CAPS2: variants seen among roughly 807,000 people sequenced by gnomAD.
CAPS2 encodes the protein calcyphosine 2.
In CAPS2, 98 loss-of-function variants were observed where a neutral mutation model predicts 86.5. The observed-to-expected ratio is 1.13, with a 90% confidence interval of 0.96 to 1.34. The LOEUF (loss-of-function observed/expected upper bound fraction) is 1.34. Among genes scored for constraint, CAPS2 ranks in the 40% most tolerant of loss-of-function variants. CAPS2 has a pLI of 0.00. For synonymous variants in CAPS2, 210 were observed against 225.1 expected, an observed-to-expected ratio of 0.93 and a Z score of 0.60; for missense variants, 729 against 686.8, an observed-to-expected ratio of 1.06 and a Z score of -0.69.
rs201207445 is a variant in CAPS2 at position 75,381,529 on chromosome 12, CTT to C, written c.-395+9307_-395+9308del. Among the ~76,000 whole-genome samples, 162 of 118,330 alleles carry C rather than the reference CTT, an allele frequency of 1.4e-3. 1 individual carries two copies. Among genetic ancestry groups the C allele is most frequent in the Non-Finnish European group, 1.7e-3 (97 of 57,910 alleles). 77.6% of individuals were successfully genotyped at this position (118,330 alleles called of 152,430 possible). ...TATTTCAACTACACTGTTATTTAGA[CTT>C]TTTTTTTTTTTTTTGGTATATTACC... is the stretch of plus-strand genomic sequence containing the variant. On this transcript the variant is annotated intron_variant, in intron 1 of 5. Transcript: ENST00000551829.
intron 1 of CAPS2, among the ~76,000 whole-genome samples, chr12:75,352,388 G>T (rs561887197): frequency 8.5e-5 from 13 of 152,206 alleles, no homozygotes; most frequent in African/African-American, 2.2e-4. Flanking sequence ...AACCAACAAA[G>T]ATCAAAAAAG....
intron 1 of CAPS2, among the ~76,000 whole-genome samples, chr12:75,340,103 C>CG (rs1296523797): frequency 1.3e-5 from 2 of 151,102 alleles, no homozygotes; most frequent in Non-Finnish European, 3.0e-5. Flanking sequence ...ATGGCTGAGT[C>CG]GTATTCCATT....
chr12:75,321,574 A>C, exon 5 of CAPS2: 1 of 1,533,642 alleles, frequency 6.5e-7, no homozygotes, highest in Non-Finnish European at 8.8e-7. Flanking sequence ...TTATGTTCTG[A>C]TCCTATAGGT....
At position 75,322,973 on chromosome 12, in the gene CAPS2, C is replaced by A; in HGVS notation, c.291+1G>T. 2 of 1,421,372 alleles carry A rather than the reference C, an allele frequency of 1.4e-6. No homozygotes were observed. Among genetic ancestry groups the A allele is most frequent in the Non-Finnish European group, 9.7e-7 (1 of 1,032,154 alleles). 88.0% of individuals were successfully genotyped at this position (1,421,372 alleles called of 1,614,324 possible). ...AAATTGATAAGCAAATAAATACTAA[C>A]CAATTTATTTAGATGATACTGAGTA... On this transcript the variant is annotated splice_donor_variant, in intron 4 of 16. Transcript: ENST00000393284. LOFTEE classifies it high-confidence loss of function.
At chr12:75,311,681 C>A (rs1208635256) in intron 7 of CAPS2, among the ~76,000 whole-genome samples, 9 of 111,552 alleles carry the variant, frequency 8.1e-5, no homozygotes, top group Admixed American at 1.4e-4. Context: ...TCACGTGTCA[C>A]GTGCAGGAAG....
At chr12:75,366,726 G>T in intron 1 of CAPS2, 1 of 593,468 alleles carries the variant, frequency 1.7e-6, no homozygotes, top group South Asian at 2.0e-5. Flanking sequence ...CTGATTTTGG[G>T]TGAGACTGCA....
chr12:75,296,528 G>A (rs1235019825), intron 11 of CAPS2, among the ~76,000 whole-genome samples: 1 of 152,108 alleles, frequency 6.6e-6, no homozygotes, highest in African/African-American at 2.4e-5. Context: ...TCCTGACCTC[G>A]TGATCTGCCC....
exon 14 of CAPS2, chr12:75,289,640 T>C: frequency 6.2e-7 from 1 of 1,612,738 alleles, no homozygotes; most frequent in African/African-American, 1.3e-5. Flanking sequence ...CACTTCTAAG[T>C]GAAACACTTT....
chr12:75,347,102 C>T (rs1199227422), intron 1 of CAPS2, among the ~76,000 whole-genome samples: 2 of 151,622 alleles, frequency 1.3e-5, no homozygotes, highest in African/African-American at 2.4e-5. Context: ...ACCATCCTTA[C>T]AGCAGGCATC....
At chr12:75,278,965 G>A in exon 17 of CAPS2, 1 of 1,611,060 alleles carries the variant, frequency 6.2e-7, no homozygotes, top group East Asian at 2.2e-5. Flanking sequence ...AACCTTCATA[G>A]TAATCTTCAA....
chr12:75,321,863 ATCTT>A (rs1478343711), intron 4 of CAPS2, among the ~76,000 whole-genome samples: 1 of 152,136 alleles, frequency 6.6e-6, no homozygotes, highest in African/African-American at 2.4e-5. Context: ...AAAATGACTT[ATCTT>A]TCTTCTTAGG....
chr12:75,354,536 C>T (rs533023167), intron 1 of CAPS2, among the ~76,000 whole-genome samples: 4 of 152,128 alleles, frequency 2.6e-5, no homozygotes, highest in South Asian at 2.1e-4. Flanking sequence ...GAATCAATAT[C>T]GTGAAAATGG....
chr12:75,374,155 G>C (rs1429091482), intron 1 of CAPS2, among the ~76,000 whole-genome samples: 1 of 152,152 alleles, frequency 6.6e-6, no homozygotes, highest in East Asian at 1.9e-4. Context: ...CATCTTATCT[G>C]CCACTGACGC....
At chr12:75,349,549 TAATTA>T (rs1190593804) in intron 1 of CAPS2, among the ~76,000 whole-genome samples, 3 of 152,182 alleles carry the variant, frequency 2.0e-5, no homozygotes, top group African/African-American at 4.8e-5. Flanking sequence ...ACAGATGTTA[TAATTA>T]AAAGAGAAAG....
At chr12:75,313,054 T>C (rs1212567071) in intron 6 of CAPS2, 139 bp from the exon 7 acceptor site, 3 of 456,664 alleles carry the variant, frequency 6.6e-6, no homozygotes, top group African/African-American at 6.0e-5. Flanking sequence ...CTATTATAGA[T>C]TATAGATTAC....
At chr12:75,288,243 G>A (rs1046051491) in intron 14 of CAPS2, among the ~76,000 whole-genome samples, 2 of 152,110 alleles carry the variant, frequency 1.3e-5, no homozygotes, top group African/African-American at 4.8e-5. Context: ...TCACTAGGTA[G>A]GCAAAAGATT....
At chr12:75,306,019 C>A in intron 7 of CAPS2, 1 of 1,464,024 alleles carries the variant, frequency 6.8e-7, no homozygotes, top group Non-Finnish European at 9.3e-7. Flanking sequence ...TCCTGAGCCT[C>A]ATTCTACTTG....
intron 8 of CAPS2, among the ~76,000 whole-genome samples, chr12:75,300,323 G>A (rs1442249629): frequency 5.9e-5 from 9 of 151,928 alleles, no homozygotes; most frequent in South Asian, 2.1e-4. Context: ...TAGGGAGGCC[G>A]AGGCGGGTGG....
intron 1 of CAPS2, among the ~76,000 whole-genome samples, chr12:75,356,608 CAAAGAAAGGCAA>C: frequency 6.6e-6 from 1 of 151,720 alleles, no homozygotes; most frequent in Non-Finnish European, 1.5e-5. Flanking sequence ...TTAATTAACC[CAAAGAAAGGCAA>C]AAAGAAAGGA....
Sources: gnomAD v4.1 joint callset for allele counts (sites outside exome capture counted in the v4.1 genomes callset) on GRCh38, gnomAD v4.1.1 for gene constraint, MANE v1.5 for transcripts, NCBI Gene and HGNC (gene_info 2026-07-23, HGNC 2026-07-21) for gene names.